Variants in PACSIN2 observed in about 807,000 individuals in gnomAD.
PACSIN2 encodes the protein protein kinase C and casein kinase substrate in neurons protein 2.
PACSIN2 carries 25 observed loss-of-function variants against 63.8 expected under a neutral mutation model. That is an observed-to-expected ratio of 0.39 (90% CI 0.29 to 0.55). The LOEUF (loss-of-function observed/expected upper bound fraction) is 0.55, where lower values mean the gene tolerates loss of function less well. PACSIN2 is among the 20% of genes least tolerant of loss of function. PACSIN2 has a pLI of 0.62. For synonymous variants in PACSIN2, 255 were observed against 256.2 expected, an observed-to-expected ratio of 1.00 and a Z score of 0.05; for missense variants, 518 against 646.9, an observed-to-expected ratio of 0.80 and a Z score of 2.16.
chr22:42,894,021 G>A (rs1267407894), intron 2 of PACSIN2, among the ~76,000 whole-genome samples: 1 of 152,156 alleles, frequency 6.6e-6, no homozygotes, highest in Non-Finnish European at 1.5e-5. Flanking sequence ...CATCCATCAT[G>A]TGCTGGGTTA....
At chr22:43,012,256 T>C (rs902882516) in intron 1 of PACSIN2, among the ~76,000 whole-genome samples, 3 of 142,714 alleles carry the variant, frequency 2.1e-5, no homozygotes, top group African/African-American at 7.9e-5. Flanking sequence ...TCCCAACTAC[T>C]GAGGAGGCTG....
chr22:42,987,493 C>CACACACACACACACA, intron 1 of PACSIN2, among the ~76,000 whole-genome samples: 1 of 91,374 alleles, frequency 1.1e-5, no homozygotes, highest in South Asian at 3.6e-4. Flanking sequence ...CACACACACA[C>CACACACACACACACA]CCATGGCACC....
intron 1 of PACSIN2, among the ~76,000 whole-genome samples, chr22:42,955,275 C>G (rs1933866645): frequency 6.6e-6 from 1 of 152,048 alleles, no homozygotes; most frequent in Non-Finnish European, 1.5e-5. Context: ...AGAAGGTAAA[C>G]TGAATGAATG....
intron 10 of PACSIN2, among the ~76,000 whole-genome samples, chr22:42,874,323 T>TA (rs5845568): frequency 0.37 from 49,742 of 133,608 alleles, 9,766 homozygotes; most frequent in Non-Finnish European, 0.46. Context: ...GTGTCTCTAT[T>TA]AAAAAAAAAA....
intron 1 of PACSIN2, among the ~76,000 whole-genome samples, chr22:42,962,479 C>T (rs939873823): frequency 3.3e-5 from 5 of 151,948 alleles, no homozygotes; most frequent in African/African-American, 1.2e-4. Context: ...CTTGACTTCC[C>T]TCAACGGTCA....
At chr22:42,966,926 T>G (rs931289779) in intron 1 of PACSIN2, among the ~76,000 whole-genome samples, 1 of 152,212 alleles carries the variant, frequency 6.6e-6, no homozygotes, top group Non-Finnish European at 1.5e-5. Context: ...GGTGTGATTT[T>G]TTTCCCCTCA....
At chr22:42,963,777 G>A (rs1384441885) in intron 1 of PACSIN2, among the ~76,000 whole-genome samples, 4 of 151,982 alleles carry the variant, frequency 2.6e-5, no homozygotes, top group Non-Finnish European at 4.4e-5. Flanking sequence ...CCCATGGAAC[G>A]GGACCTGCTA....
chr22:42,904,168 C>G (rs1292580629), intron 2 of PACSIN2, among the ~76,000 whole-genome samples: 2 of 152,230 alleles, frequency 1.3e-5, no homozygotes, highest in African/African-American at 2.4e-5. Flanking sequence ...CTGTGTTGAA[C>G]TAACTCTTCC....
chr22:42,874,333 A>G lies in PACSIN2; in HGVS notation c.1348+1804T>C, dbSNP rs998120011. On this transcript the variant is annotated intron_variant, in intron 10 of 10. Transcript: ENST00000263246. ...AGACCGTGTCTCTATTAAAAAAAAA[A>G]AAAAAAAAGATTATCATTGAAGACC... is the stretch of plus-strand genomic sequence containing the variant. 8.4e-3 allele frequency among the ~76,000 whole-genome samples: 1,276 copies of G among 152,036 alleles called. 19 individuals are homozygous for G. Among genetic ancestry groups the G allele is most frequent in the African/African-American group, 0.03 (1,234 of 41,458 alleles).
chr22:42,909,953 T>A (rs1931338931), intron 2 of PACSIN2, among the ~76,000 whole-genome samples: 3 of 152,190 alleles, frequency 2.0e-5, no homozygotes, highest in African/African-American at 7.2e-5. Context: ...CCACCAGCCT[T>A]GCCCTGATGC....
At chr22:42,881,145 T>C (rs1301056861) in intron 7 of PACSIN2, among the ~76,000 whole-genome samples, 1 of 152,040 alleles carries the variant, frequency 6.6e-6, no homozygotes, top group African/African-American at 2.4e-5. Flanking sequence ...GCCCACACTG[T>C]CATTTGGAAA....
intron 2 of PACSIN2, among the ~76,000 whole-genome samples, chr22:42,907,584 C>T (rs749336687): frequency 2.6e-5 from 4 of 152,256 alleles, no homozygotes; most frequent in Non-Finnish European, 5.9e-5. Context: ...GGCCATCACA[C>T]GGAAAAGTCC....
chr22:42,971,671 G>C (rs1250251976), intron 1 of PACSIN2, among the ~76,000 whole-genome samples: 1 of 152,184 alleles, frequency 6.6e-6, no homozygotes, highest in African/African-American at 2.4e-5. Flanking sequence ...CATCGTCTGA[G>C]AAGTGAGGAG....
At chr22:42,934,614 T>C (rs1244936575) in intron 1 of PACSIN2, among the ~76,000 whole-genome samples, 3 of 152,226 alleles carry the variant, frequency 2.0e-5, no homozygotes, top group Non-Finnish European at 4.4e-5. Flanking sequence ...AACTCCCACC[T>C]ACCTTGCAAG....
intron 1 of PACSIN2, among the ~76,000 whole-genome samples, chr22:42,917,759 C>T (rs1212254937): frequency 6.6e-6 from 1 of 152,100 alleles, no homozygotes; most frequent in Admixed American, 6.6e-5. Context: ...GTGGTTTAAT[C>T]TGCATTTCCC....
intron 1 of PACSIN2, among the ~76,000 whole-genome samples, chr22:42,936,093 G>A (rs1046590001): frequency 1.3e-5 from 2 of 152,048 alleles, no homozygotes; most frequent in African/African-American, 4.8e-5. Context: ...GCGGGTGCCT[G>A]TAGTCCCAGC....
chr22:42,919,787 AAAAAAAAAAAG>A (rs1175050762), intron 1 of PACSIN2, among the ~76,000 whole-genome samples: 19 of 141,884 alleles, frequency 1.3e-4, no homozygotes, highest in African/African-American at 3.3e-4. Flanking sequence ...AAAAAAAAAA[AAAAAAAAAAAG>A]AAAGAAAGAA....
chr22:42,986,314 G>C (rs1922606199), intron 1 of PACSIN2, among the ~76,000 whole-genome samples: 1 of 152,186 alleles, frequency 6.6e-6, no homozygotes, highest in African/African-American at 2.4e-5. Context: ...AGCGAGTCTG[G>C]TAAGCACCCT....
chr22:42,990,402 A>G (rs1200865739), intron 1 of PACSIN2, among the ~76,000 whole-genome samples: 2 of 152,136 alleles, frequency 1.3e-5, no homozygotes, highest in African/African-American at 4.8e-5. Context: ...TGCACACTAC[A>G]ATACAAAATG....
Sources: allele counts gnomAD v4.1 joint callset (sites outside exome capture counted in the v4.1 genomes callset), GRCh38; gene constraint gnomAD v4.1.1; transcripts MANE v1.5; gene names NCBI Gene and HGNC (gene_info 2026-07-23, HGNC 2026-07-21).